The following NBEA variants were observed in gnomAD, a reference collection of about 807,000 sequenced individuals.
The protein encoded by NBEA is neurobeachin.
NBEA carries 44 observed loss-of-function variants against 343.4 expected under a neutral mutation model. That is an observed-to-expected ratio of 0.13 (90% CI 0.10 to 0.16). The LOEUF (loss-of-function observed/expected upper bound fraction) is 0.16. NBEA is among the 10% of genes least tolerant of loss of function. The probability of loss-of-function intolerance (pLI) is 1.00; values close to 1 mark genes in which losing one functional copy is unlikely to be tolerated. For synonymous variants in NBEA, 1,175 were observed against 1,238.7 expected, an observed-to-expected ratio of 0.95 and a Z score of 1.08; for missense variants, 2,555 against 3,631.3, an observed-to-expected ratio of 0.70 and a Z score of 7.62.
chr13:35,672,239 T>C lies in NBEA; in HGVS notation c.*1248T>C, dbSNP rs1248281728. The C allele has an allele frequency of 3.9e-5, 6 of 152,658 alleles. No homozygotes were observed. The highest frequency in any genetic ancestry group is 3.9e-4 in the Admixed American group (6 of 15,272). The allele number at this position is 152,658 out of a possible 1,614,324, so 9.5% of individuals were successfully genotyped here. ...GTGACTGTATCGTCATAGATGTACA[T>C]ATTGTGTCGGTAGGGCTATGAGGCA... On this transcript the variant is annotated 3_prime_UTR_variant, in exon 59 of 59. Transcript: ENST00000379939.
intron 40 of NBEA, among the ~76,000 whole-genome samples, chr13:35,471,571 A>G (rs949031812): frequency 1.3e-5 from 2 of 152,172 alleles, no homozygotes; most frequent in Non-Finnish European, 2.9e-5. Flanking sequence ...GTAATATCCC[A>G]TTTGAATTCA....
chr13:35,668,031 C>G (rs951312692), intron 57 of NBEA, among the ~76,000 whole-genome samples: 1 of 152,152 alleles, frequency 6.6e-6, no homozygotes, highest in Non-Finnish European at 1.5e-5. Flanking sequence ...CTTTAATTCT[C>G]TATAATATTA....
At chr13:35,571,886 A>G (rs944771036) in intron 45 of NBEA, among the ~76,000 whole-genome samples, 4 of 152,300 alleles carry the variant, frequency 2.6e-5, no homozygotes, top group African/African-American at 7.2e-5. Context: ...GAAATATTTT[A>G]TATTTATAAT....
At chr13:35,214,473 T>C (rs1457608513) in intron 33 of NBEA, among the ~76,000 whole-genome samples, 6 of 151,872 alleles carry the variant, frequency 4.0e-5, no homozygotes, top group Non-Finnish European at 8.8e-5. Context: ...TTATGTTTTC[T>C]TTCCTATTGA....
intron 10 of NBEA, among the ~76,000 whole-genome samples, chr13:35,089,768 G>A (rs1173442308): frequency 6.7e-6 from 1 of 149,460 alleles, no homozygotes; most frequent in Non-Finnish European, 1.5e-5. Flanking sequence ...TAGGGACATG[G>A]ATGAAATTGG....
At chr13:35,230,372 T>C (rs1429896689) in intron 33 of NBEA, among the ~76,000 whole-genome samples, 3 of 152,070 alleles carry the variant, frequency 2.0e-5, no homozygotes, top group Non-Finnish European at 4.4e-5. Flanking sequence ...ATAAAAAATG[T>C]TCCTGGCTTT....
At chr13:35,291,820 A>G (rs1197187151) in intron 35 of NBEA, among the ~76,000 whole-genome samples, 3 of 151,900 alleles carry the variant, frequency 2.0e-5, no homozygotes, top group Non-Finnish European at 4.4e-5. Context: ...CCTAGAGATG[A>G]AACTTTGCCT....
chr13:35,045,536 A>G, intron 4 of NBEA, 135 bp downstream of exon 4: 2 of 645,066 alleles, frequency 3.1e-6, no homozygotes, highest in Non-Finnish European at 5.1e-6. Context: ...TACAACCACT[A>G]CTATATAATG....
At chr13:35,076,630 CCTCT>C (rs2064131811) in intron 10 of NBEA, among the ~76,000 whole-genome samples, 1 of 151,802 alleles carries the variant, frequency 6.6e-6, no homozygotes, top group African/African-American at 2.4e-5. Flanking sequence ...CCCTTCACTC[CCTCT>C]CTCTTGCTGT....
At chr13:35,607,312 C>A (rs2082320451) in intron 48 of NBEA, among the ~76,000 whole-genome samples, 1 of 152,092 alleles carries the variant, frequency 6.6e-6, no homozygotes, top group South Asian at 2.1e-4. Flanking sequence ...CTACCTAGGC[C>A]TCCCAGAAGA....
intron 34 of NBEA, among the ~76,000 whole-genome samples, chr13:35,265,391 C>A (rs2033587883): frequency 6.6e-6 from 1 of 151,766 alleles, no homozygotes; most frequent in African/African-American, 2.4e-5. Context: ...TATGGAACCA[C>A]AGAAGACCCC....
intron 41 of NBEA, among the ~76,000 whole-genome samples, chr13:35,484,973 A>G (rs1233489202): frequency 6.6e-6 from 1 of 152,142 alleles, no homozygotes; most frequent in Non-Finnish European, 1.5e-5. Flanking sequence ...TCTAAAAGAC[A>G]TATTTATAAC....
chr13:35,478,239 T>G (rs1292357743), intron 41 of NBEA, among the ~76,000 whole-genome samples: 1 of 152,206 alleles, frequency 6.6e-6, no homozygotes, highest in African/African-American at 2.4e-5. Flanking sequence ...AGATTCCAAT[T>G]TAGCTGAAAA....
chr13:35,497,335 A>G (rs933843335), intron 41 of NBEA, among the ~76,000 whole-genome samples: 3 of 152,140 alleles, frequency 2.0e-5, no homozygotes, highest in Admixed American at 1.3e-4. Context: ...CTGCATTAAA[A>G]CAATGTTTTT....
intron 45 of NBEA, among the ~76,000 whole-genome samples, chr13:35,569,411 A>G (rs1227982945): frequency 6.6e-6 from 1 of 152,222 alleles, no homozygotes; most frequent in Non-Finnish European, 1.5e-5. Context: ...CTCAGGTAGC[A>G]TATTACAACC....
chr13:34,976,331 C>T (rs1249241889), intron 1 of NBEA, among the ~76,000 whole-genome samples: 3 of 152,092 alleles, frequency 2.0e-5, no homozygotes, highest in Non-Finnish European at 2.9e-5. Flanking sequence ...GAATGGTACC[C>T]AAACCTCATA....
At chr13:35,420,952 T>G (rs767545267) in intron 38 of NBEA, among the ~76,000 whole-genome samples, 1 of 152,020 alleles carries the variant, frequency 6.6e-6, no homozygotes, top group Non-Finnish European at 1.5e-5. Flanking sequence ...CAGCTCTTTG[T>G]TTTTGTTAAT....
intron 34 of NBEA, among the ~76,000 whole-genome samples, chr13:35,247,140 C>T (rs1224527347): frequency 6.6e-6 from 1 of 152,170 alleles, no homozygotes; most frequent in African/African-American, 2.4e-5. Context: ...AACCATGCCT[C>T]TCCCAACAGC....
At chr13:35,446,486 T>TAAG (rs2046052544) in intron 39 of NBEA, among the ~76,000 whole-genome samples, 1 of 152,048 alleles carries the variant, frequency 6.6e-6, no homozygotes, top group African/African-American at 2.4e-5. Context: ...CTGTTGTTTC[T>TAAG]AAGATATAAA....
Sources: allele counts gnomAD v4.1 joint callset (sites outside exome capture counted in the v4.1 genomes callset), GRCh38; gene constraint gnomAD v4.1.1; transcripts MANE v1.5; gene names NCBI Gene and HGNC (gene_info 2026-07-23, HGNC 2026-07-21).